TCAF2: variants seen among roughly 807,000 people sequenced by gnomAD.
TCAF2 encodes TRPM8 channel-associated factor 2.
In TCAF2, 6 loss-of-function variants were observed where a neutral mutation model predicts 33.9. The ratio of observed to expected loss-of-function variants is 0.18; its 90% CI spans 0.10 to 0.35. The LOEUF (loss-of-function observed/expected upper bound fraction) is 0.35. Among genes scored for constraint, TCAF2 ranks in the 10% least tolerant of loss-of-function variants. The pLI is 1.00. For synonymous variants in TCAF2, 41 were observed against 247.8 expected (o/e 0.17, Z 7.84); for missense variants, 109 against 604.0 (o/e 0.18, Z 8.59).
At chr7:143,711,501 CA>C (rs1462309515) in intron 2 of TCAF2, among the ~76,000 whole-genome samples, 3 of 20,830 alleles carry the variant, frequency 1.4e-4, no homozygotes, top group African/African-American at 3.8e-4. Flanking sequence ...CCCCAGTGGC[CA>C]TACTGAAATT....
In TCAF2 at chr7:143,724,642, A is replaced by G. The variant is rs9691650; in HGVS notation, c.2450A>G (p.Lys817Arg). 1 of 1,609,998 alleles carries G rather than the reference A, an allele frequency of 6.2e-7. No homozygotes were observed. Among genetic ancestry groups the G allele is most frequent in the Admixed American group, 1.7e-5 (1 of 59,814 alleles). ...AGGAGAATCAAGGCCCACCTGGGAA[A>G]GGGAGCCCCCCTGTGTGACTGGAAT... is the stretch of plus-strand genomic sequence containing the variant. Reference protein sequence around the residue: ...RERRIKAHLGKGAPLCDWNVW... With the variant: ...RERRIKAHLGRGAPLCDWNVW... Residue 817 changes from lysine to arginine, a missense_variant, in exon 7 of 8, where the codon AAG (lysine) becomes AGG (arginine). By Grantham distance (26) the Lys-to-Arg change is conservative (BLOSUM62 2). Transcript: ENST00000684770.
chr7:143,634,950 G>GT (rs1420023834), intron 1 of TCAF2, among the ~76,000 whole-genome samples: 22 of 132,334 alleles, frequency 1.7e-4, no homozygotes, highest in African/African-American at 6.1e-4. Flanking sequence ...TCTTCAAAAT[G>GT]TTTTTTACAG....
At chr7:143,718,718 AGT>A (rs1809413264) in intron 2 of TCAF2, among the ~76,000 whole-genome samples, 1 of 105,220 alleles carries the variant, frequency 9.5e-6, no homozygotes. Context: ...TTTTAAAAAC[AGT>A]GTGTGTTTGT....
chr7:143,634,983 C>G (rs1180291857), intron 1 of TCAF2, among the ~76,000 whole-genome samples: 1 of 121,392 alleles, frequency 8.2e-6, no homozygotes, highest in Non-Finnish European at 1.7e-5. Flanking sequence ...ATAGTTCTCT[C>G]TAGTCCTTTT....
intron 1 of TCAF2, among the ~76,000 whole-genome samples, chr7:143,648,556 A>T (rs537258938): frequency 8.3e-6 from 1 of 120,280 alleles, no homozygotes; most frequent in African/African-American, 2.7e-5. Context: ...GGTAGTTCTG[A>T]TCTAGGAACA....
Position 143,645,129 on chromosome 7 carries a change from CAG to C in TCAF2, c.-12+24112_-12+24113del, listed in dbSNP as rs1238975195. ...GGTTGATTCTCTCTCCCTCTTTGCC[CAG>C]AGCTTCCCTTTCTGGCCGCCAGATG... On this transcript the variant is annotated intron_variant, in intron 1 of 7. Coordinates refer to ENST00000684770, the MANE Select transcript of TCAF2 (RefSeq NM_001363538.2). 18 of 6,522 alleles carry C rather than the reference CAG, an allele frequency of 2.8e-3. 2 individuals carry two copies. Among genetic ancestry groups the C allele is most frequent in the Admixed American group, 6.9e-3 (2 of 288 alleles). The allele number at this position is 6,522 out of a possible 1,614,324, so 0.4% of individuals were successfully genotyped here.
At chr7:143,648,070 C>A (rs1339728480) in intron 1 of TCAF2, among the ~76,000 whole-genome samples, 1 of 96,844 alleles carries the variant, frequency 1.0e-5, no homozygotes, top group Admixed American at 1.3e-4. Context: ...AGGTGCGTGC[C>A]ACCACACCCA....
chr7:143,646,590 G>A, intron 1 of TCAF2: 2 of 342,512 alleles, frequency 5.8e-6, no homozygotes, highest in Non-Finnish European at 7.2e-6. Flanking sequence ...GTCCTGTGTA[G>A]TGTCAGCCAA....
chr7:143,729,423 G>T lies in TCAF2; in HGVS notation c.*1756G>T, dbSNP rs1809760442. The T allele has an allele frequency of 6.6e-6, 1 of 152,052 alleles. No individual in the cohort carries two copies. Among genetic ancestry groups the T allele is most frequent in the South Asian group, 2.1e-4 (1 of 4,812 alleles). 9.4% of individuals were successfully genotyped at this position (152,052 alleles called of 1,614,324 possible). A position where few individuals can be genotyped will look rare whatever the true frequency, so the allele number is the denominator to read the frequency against. The stretch of plus-strand genomic sequence containing the variant: ...GATGAAAATATGTTCAACCAGGTCT[G>T]GATTTTTCCAATGTTTACTACTGAA... On this transcript the variant is annotated 3_prime_UTR_variant, in exon 8 of 8. Coordinates refer to ENST00000684770, the MANE Select transcript of TCAF2 (RefSeq NM_001363538.2).
chr7:143,647,772 T>A, intron 1 of TCAF2: 2 of 372,426 alleles, frequency 5.4e-6, no homozygotes, highest in Non-Finnish European at 9.6e-6. Flanking sequence ...TTCACATTCT[T>A]ACTAATATTA....
rs1261618426 is a variant in TCAF2, at chr7:143,724,516, C to T, written c.2324C>T (p.Thr775Ile). The change falls in exon 7 of 8, where the codon ACT becomes ATT. Residue 775 changes from threonine to isoleucine, a missense_variant. Coordinates refer to ENST00000684770, the MANE Select transcript of TCAF2 (RefSeq NM_001363538.2). Reference sequence around the variant, plus strand: ...GGATGGGAGTTCCCCCCACACACTACTGAGGCCACCTGTAACCTTTGGTCA... The same window carrying T: ...GGATGGGAGTTCCCCCCACACACTATTGAGGCCACCTGTAACCTTTGGTCA... ...RHGWEFPPHT[T>I]EATCNLWSVY... is the part of the protein sequence containing the mutation. 12 of 1,610,960 alleles carry T rather than the reference C, an allele frequency of 7.4e-6. 1 individual carries two copies. Among genetic ancestry groups the T allele is most frequent in the Non-Finnish European group, 1.0e-5 (12 of 1,179,448 alleles).
chr7:143,648,572 C>T (rs1809114359), intron 1 of TCAF2, among the ~76,000 whole-genome samples: 1 of 97,952 alleles, frequency 1.0e-5, no homozygotes, highest in Non-Finnish European at 2.3e-5. Context: ...GAACACATCA[C>T]AATTAAATTG....
intron 2 of TCAF2, among the ~76,000 whole-genome samples, chr7:143,718,722 T>TG (rs1809413394): frequency 9.7e-6 from 1 of 103,486 alleles, no homozygotes; most frequent in Admixed American, 1.1e-4. Context: ...AAAAACAGTG[T>TG]GTGTTTGTAT....
chr7:143,636,741 C>T lies in TCAF2; in HGVS notation c.-12+15721C>T, dbSNP rs1286739243. 5 of 56,044 alleles carry T rather than the reference C, an allele frequency of 8.9e-5. 1 individual carries two copies. Among genetic ancestry groups the T allele is most frequent in the Non-Finnish European group, 1.7e-4 (5 of 29,576 alleles). The allele number at this position is 56,044 out of a possible 1,614,324, so 3.5% of individuals were successfully genotyped here. ...AGAGAGGAAAATGGCAACTCATCCT[C>T]CTCACCACACCACCAGCTCCAGTCT... On this transcript the variant is annotated intron_variant, in intron 1 of 7. Transcript: ENST00000684770.
chr7:143,729,584 T>C lies in TCAF2; in HGVS notation c.*1917T>C, dbSNP rs1411420526. On this transcript the variant is annotated 3_prime_UTR_variant, in exon 8 of 8. Coordinates refer to ENST00000684770, the MANE Select transcript of TCAF2 (RefSeq NM_001363538.2). Reference sequence around the variant, plus strand: ...GGAATTTGAACTCAGGAAATTCAACTCCAGAACTGATGTTCTTTTTTTTTT... The same window carrying C: ...GGAATTTGAACTCAGGAAATTCAACCCCAGAACTGATGTTCTTTTTTTTTT... 1.3e-5 allele frequency: 2 copies of C among 152,004 alleles called. No individual in the cohort carries two copies. Among genetic ancestry groups the C allele is most frequent in the Non-Finnish European group, 2.9e-5 (2 of 68,012 alleles). The allele number at this position is 152,004 out of a possible 1,614,324, so 9.4% of individuals were successfully genotyped here. A position where few individuals can be genotyped will look rare whatever the true frequency, so the allele number is the denominator to read the frequency against.
intron 7 of TCAF2, among the ~76,000 whole-genome samples, chr7:143,726,151 C>CTACA (rs1365188849): frequency 6.6e-6 from 1 of 151,606 alleles, no homozygotes; most frequent in Non-Finnish European, 1.5e-5. Flanking sequence ...GCACCTCTAG[C>CTACA]TACATCTCCT....
intron 1 of TCAF2, among the ~76,000 whole-genome samples, chr7:143,701,771 A>G (rs1398313791): frequency 2.1e-5 from 2 of 94,726 alleles, no homozygotes; most frequent in Non-Finnish European, 4.9e-5. Flanking sequence ...ACTTTATTTT[A>G]TTTTATTTTA....
chr7:143,648,043 C>T (rs1247232356), intron 1 of TCAF2, among the ~76,000 whole-genome samples: 2 of 92,850 alleles, frequency 2.2e-5, no homozygotes, highest in Non-Finnish European at 4.6e-5. Context: ...CTCAGCCTCC[C>T]GAGAAGCTGG....
chr7:143,721,683 G>T (rs1337184157), intron 4 of TCAF2, among the ~76,000 whole-genome samples: 6 of 125,772 alleles, frequency 4.8e-5, no homozygotes, highest in Non-Finnish European at 9.9e-5. Flanking sequence ...ACATTTTATT[G>T]CAATTTGATT....
Sources: allele counts gnomAD v4.1 joint callset (sites outside exome capture counted in the v4.1 genomes callset), GRCh38; gene constraint gnomAD v4.1.1; transcripts MANE v1.5; gene names NCBI Gene and HGNC (gene_info 2026-07-23, HGNC 2026-07-21).